Variants in SLC14A2 observed in about 807,000 individuals in gnomAD.
SLC14A2 encodes the protein urea transporter 2.
SLC14A2 carries 91 observed loss-of-function variants against 104.6 expected under a neutral mutation model. The observed-to-expected ratio is 0.87, with a 90% CI of 0.73 to 1.04. SLC14A2 has a LOEUF of 1.04. SLC14A2 is among the 50% of genes least tolerant of loss of function. SLC14A2 has a pLI of 0.00. For missense variants in SLC14A2, 1,189 were observed against 1,156.0 expected, an observed-to-expected ratio of 1.03 and a Z score of -0.41; for synonymous variants, 476 against 466.4, an observed-to-expected ratio of 1.02 and a Z score of -0.27.
intron 1 of SLC14A2, among the ~76,000 whole-genome samples, chr18:45,477,755 A>G (rs1163127201): frequency 6.6e-6 from 1 of 152,156 alleles, no homozygotes; most frequent in Non-Finnish European, 1.5e-5. Flanking sequence ...CACTGAGTCC[A>G]AACTTCCTGG....
intron 2 of SLC14A2, among the ~76,000 whole-genome samples, chr18:45,558,386 G>A (rs1218721113): frequency 6.6e-6 from 1 of 152,174 alleles, no homozygotes; most frequent in African/African-American, 2.4e-5. Flanking sequence ...TAAATAGTAA[G>A]CACTGGAGCA....
At chr18:45,555,221 T>C (rs1205179736) in intron 2 of SLC14A2, among the ~76,000 whole-genome samples, 2 of 152,166 alleles carry the variant, frequency 1.3e-5, no homozygotes, top group East Asian at 3.9e-4. Flanking sequence ...TCATAAGGAG[T>C]ATATCACAAT....
At chr18:45,225,131 T>C (rs976812489) in intron 1 of SLC14A2, among the ~76,000 whole-genome samples, 2 of 152,160 alleles carry the variant, frequency 1.3e-5, no homozygotes, top group Admixed American at 6.5e-5. Context: ...CTAGGTCTTA[T>C]GTTTAAGTCT....
At chr18:45,426,315 AGC>A (rs1047143999) in intron 1 of SLC14A2, among the ~76,000 whole-genome samples, 38 of 152,130 alleles carry the variant, frequency 2.5e-4, no homozygotes, top group African/African-American at 8.7e-4. Context: ...TAAGTTACAA[AGC>A]GTGTAATCAT....
intron 2 of SLC14A2, among the ~76,000 whole-genome samples, chr18:45,569,171 T>G (rs1467159022): frequency 1.3e-5 from 2 of 152,316 alleles, no homozygotes; most frequent in East Asian, 3.9e-4. Flanking sequence ...TCCCAACTGC[T>G]TCTCAACACA....
intron 1 of SLC14A2, among the ~76,000 whole-genome samples, chr18:45,244,691 G>A (rs557883754): frequency 3.9e-5 from 6 of 152,150 alleles, no homozygotes; most frequent in African/African-American, 1.2e-4. Flanking sequence ...AGACATGCCT[G>A]TATGAGGAAA....
intron 2 of SLC14A2, among the ~76,000 whole-genome samples, chr18:45,555,714 A>G (rs2044123545): frequency 6.6e-6 from 1 of 152,240 alleles, no homozygotes; most frequent in Admixed American, 6.5e-5. Context: ...TGAGGCCTCC[A>G]GCTTGAGTTT....
intron 10 of SLC14A2, among the ~76,000 whole-genome samples, chr18:45,657,185 G>T (rs148162428): frequency 1.3e-5 from 2 of 152,106 alleles, no homozygotes; most frequent in Non-Finnish European, 2.9e-5. Context: ...GAAAGATTTT[G>T]ACTAGGCCGG....
At chr18:45,542,377 A>C in intron 2 of SLC14A2, 1 of 152,150 alleles carries the variant, frequency 6.6e-6, no homozygotes, top group East Asian at 1.9e-4. Flanking sequence ...TGTCTCAAGC[A>C]TAAAAGGTAT....
intron 1 of SLC14A2, among the ~76,000 whole-genome samples, chr18:45,393,709 A>G (rs978933961): frequency 4.6e-5 from 7 of 152,152 alleles, no homozygotes; most frequent in Admixed American, 4.6e-4. Flanking sequence ...GCTCTTCCCC[A>G]TTCCTTCTTG....
chr18:45,440,268 G>A (rs2086662733), intron 1 of SLC14A2: 1 of 151,028 alleles, frequency 6.6e-6, no homozygotes, highest in African/African-American at 2.4e-5. Flanking sequence ...ATCCAGCAGT[G>A]TTGCTCTGTG....
chr18:45,254,995 G>A (rs2084461601), intron 1 of SLC14A2, among the ~76,000 whole-genome samples: 1 of 152,152 alleles, frequency 6.6e-6, no homozygotes, highest in African/African-American at 2.4e-5. Flanking sequence ...GTAATGCTGT[G>A]TGAAGGGAAA....
At chr18:45,663,193 T>C (rs1300467901) in intron 10 of SLC14A2, among the ~76,000 whole-genome samples, 1 of 152,224 alleles carries the variant, frequency 6.6e-6, no homozygotes, top group African/African-American at 2.4e-5. Context: ...CCTGAGATTC[T>C]GCATTTCTAA....
intron 1 of SLC14A2, among the ~76,000 whole-genome samples, chr18:45,234,475 T>C (rs2084205568): frequency 6.6e-6 from 1 of 152,256 alleles, no homozygotes; most frequent in Non-Finnish European, 1.5e-5. Flanking sequence ...ACTCCTTTAG[T>C]TGACATTTGG....
At chr18:45,342,276 G>A (rs181124546) in intron 1 of SLC14A2, among the ~76,000 whole-genome samples, 1 of 152,326 alleles carries the variant, frequency 6.6e-6, no homozygotes. Flanking sequence ...ACACTATGAG[G>A]TTAGGGTGAC....
chr18:45,524,807 T>A (rs1010045088), intron 2 of SLC14A2, among the ~76,000 whole-genome samples: 3 of 152,090 alleles, frequency 2.0e-5, no homozygotes, highest in Non-Finnish European at 4.4e-5. Context: ...AAAAATAAGA[T>A]AGAGGCACCA....
intron 1 of SLC14A2, among the ~76,000 whole-genome samples, chr18:45,318,890 C>T (rs908717715): frequency 3.3e-5 from 5 of 152,068 alleles, no homozygotes; most frequent in African/African-American, 1.2e-4. Context: ...TGAGGAAAGG[C>T]CAAATGCGCC....
chr18:45,210,332 C>T (rs1489165556), upstream of SLC14A2, among the ~76,000 whole-genome samples: 4 of 152,174 alleles, frequency 2.6e-5, no homozygotes, highest in Non-Finnish European at 5.9e-5. Flanking sequence ...CTGGCTCATT[C>T]CTATAATCCC....
chr18:45,229,386 A>G (rs751855263), intron 1 of SLC14A2, among the ~76,000 whole-genome samples: 2 of 151,780 alleles, frequency 1.3e-5, no homozygotes, highest in Non-Finnish European at 2.9e-5. Flanking sequence ...TAAGACAGCA[A>G]TGATCCCCGT....
Sources: allele counts gnomAD v4.1 joint callset (sites outside exome capture counted in the v4.1 genomes callset), GRCh38; gene constraint gnomAD v4.1.1; transcripts MANE v1.5; gene names NCBI Gene and HGNC (gene_info 2026-07-23, HGNC 2026-07-21).